EYA1: variants seen among roughly 807,000 people sequenced by gnomAD.
The protein encoded by EYA1 is protein phosphatase EYA1.
Under a neutral mutation model 82.0 loss-of-function variants are expected in EYA1, and 16 were observed. That is an observed-to-expected ratio of 0.20 (90% CI 0.13 to 0.30). The LOEUF (loss-of-function observed/expected upper bound fraction) is 0.30. Ranked by LOEUF, EYA1 falls within the 10% of genes least tolerant of loss-of-function variation. The pLI is 1.00. For synonymous variants in EYA1, 261 were observed against 264.4 expected (o/e 0.99, Z 0.12); for missense variants, 633 against 730.7 (o/e 0.87, Z 1.54).
intron 2 of EYA1, among the ~76,000 whole-genome samples, chr8:71,438,605 G>A (rs1806174332): frequency 6.6e-6 from 1 of 152,128 alleles, no homozygotes; most frequent in Non-Finnish European, 1.5e-5. Context: ...GATAGGTGAT[G>A]CCTTCATGAA....
At chr8:71,328,041 G>A (rs747076837) in intron 4 of EYA1, among the ~76,000 whole-genome samples, 2 of 151,870 alleles carry the variant, frequency 1.3e-5, no homozygotes, top group African/African-American at 2.4e-5. Context: ...ATTTTTAGTA[G>A]AGACAGGGTT....
At chr8:71,442,534 G>A (rs1039904915) in intron 2 of EYA1, among the ~76,000 whole-genome samples, 2 of 152,124 alleles carry the variant, frequency 1.3e-5, no homozygotes, top group African/African-American at 4.8e-5. Flanking sequence ...AATATAATGT[G>A]GGTCAATTAA....
rs544708856 is a variant in EYA1, at chr8:71,529,254, G to A, written c.33+6490C>T. Among the ~76,000 whole-genome samples the A allele has an allele frequency of 2.0e-4, 30 of 152,120 alleles. 1 individual carries two copies. The South Asian group carries it at 5.8e-3, about 29-fold the overall frequency. ...TATTTGCTGAGTACCCATCACATCC[G>A]AAAAGACTACCCCAACTCTAGGCCT... On this transcript the variant is annotated intron_variant, in intron 2 of 18. Transcript: ENST00000643681.
intron 3 of EYA1, among the ~76,000 whole-genome samples, chr8:71,353,169 C>T (rs1337342261): frequency 6.6e-6 from 1 of 152,186 alleles, no homozygotes; most frequent in Non-Finnish European, 1.5e-5. Flanking sequence ...GGGCCTTCTG[C>T]AGCTCCTGTC....
chr8:71,453,150 A>T (rs1807536996), intron 2 of EYA1, among the ~76,000 whole-genome samples: 1 of 152,242 alleles, frequency 6.6e-6, no homozygotes. Flanking sequence ...TGATTCCATC[A>T]ACTGGAAGAA....
chr8:71,221,393 GA>G (rs1222687132), intron 12 of EYA1, among the ~76,000 whole-genome samples: 6 of 152,120 alleles, frequency 3.9e-5, no homozygotes, highest in African/African-American at 1.4e-4. Flanking sequence ...GGAAGCCTTT[GA>G]AGACATGTTT....
At chr8:71,268,977 A>G (rs1816194139) in intron 11 of EYA1, among the ~76,000 whole-genome samples, 1 of 152,232 alleles carries the variant, frequency 6.6e-6, no homozygotes, top group Non-Finnish European at 1.5e-5. Context: ...TTATTTCTTT[A>G]CAGATGAAAA....
At chr8:71,406,761 T>A (rs1029481030) in intron 2 of EYA1, among the ~76,000 whole-genome samples, 5 of 150,186 alleles carry the variant, frequency 3.3e-5, no homozygotes, top group African/African-American at 1.2e-4. Context: ...CACAGCAGTC[T>A]GAGATCAAAC....
rs1023446989 is a variant in EYA1 at position 71,268,277 on chromosome 8, T to A, written c.1050+1463A>T. On this transcript the variant is annotated intron_variant, in intron 11 of 17. Transcript: ENST00000340726. ...TAAGTGCCTACTCTTTTCAACACTCTTGTGTGAGTTACAGGCACCAGTGGT... is the reference window on the plus strand; with the variant it reads ...TAAGTGCCTACTCTTTTCAACACTCATGTGTGAGTTACAGGCACCAGTGGT... Among the ~76,000 whole-genome samples, 4 of 152,314 alleles carry A rather than the reference T, an allele frequency of 2.6e-5. 1 individual carries two copies. Among genetic ancestry groups the A allele is most frequent in the African/African-American group, 9.6e-5 (4 of 41,574 alleles).
chr8:71,301,857 AG>A (rs989728027), intron 7 of EYA1, among the ~76,000 whole-genome samples: 13 of 152,162 alleles, frequency 8.5e-5, no homozygotes, highest in African/African-American at 3.1e-4. Context: ...TGGGGCTAAA[AG>A]GATGACTAAG....
In EYA1 at chr8:71,278,004, A is replaced by T. The variant is rs564098277; in HGVS notation, c.827-6107T>A. On this transcript the variant is annotated intron_variant, in intron 9 of 17. Coordinates refer to ENST00000340726, the MANE Select transcript of EYA1 (RefSeq NM_000503.6). ...TAAATTCTTCAATATTAAAAAGAAA[A>T]ACAAAGAACTGGAACTCGCAAGAGT... 2.0e-4 allele frequency among the ~76,000 whole-genome samples: 31 copies of T among 152,340 alleles called. No individual in the cohort carries two copies. In the South Asian group the frequency reaches 6.4e-3, roughly 32 times the overall value.
chr8:71,394,171 T>C (rs202141633), intron 2 of EYA1, among the ~76,000 whole-genome samples: 1 of 152,140 alleles, frequency 6.6e-6, no homozygotes, highest in Non-Finnish European at 1.5e-5. Flanking sequence ...GTTTAAGTTC[T>C]TTGTAGATTC....
At chr8:71,243,948 G>A (rs897893048) in intron 12 of EYA1, among the ~76,000 whole-genome samples, 4 of 152,208 alleles carry the variant, frequency 2.6e-5, no homozygotes, top group Admixed American at 6.5e-5. Context: ...AGAAGAGAAC[G>A]AAATGTAGTT....
chr8:71,230,814 C>T (rs1811107888), intron 12 of EYA1, among the ~76,000 whole-genome samples: 1 of 152,212 alleles, frequency 6.6e-6, no homozygotes, highest in Non-Finnish European at 1.5e-5. Context: ...CTGGAATTTT[C>T]AATACATATT....
intron 2 of EYA1, among the ~76,000 whole-genome samples, chr8:71,463,613 CTCTCT>C (rs1808548541): frequency 7.3e-6 from 1 of 136,252 alleles, no homozygotes; most frequent in African/African-American, 3.0e-5. Flanking sequence ...CTCTCTCTCT[CTCTCT>C]CTCTCTCTCT....
intron 2 of EYA1, among the ~76,000 whole-genome samples, chr8:71,405,767 C>T (rs905111916): frequency 6.6e-6 from 1 of 151,646 alleles, no homozygotes; most frequent in African/African-American, 2.4e-5. Flanking sequence ...TTCCATATAC[C>T]CCTTACAAAA....
At chr8:71,491,076 A>C (rs1291166585) in intron 2 of EYA1, among the ~76,000 whole-genome samples, 2 of 152,172 alleles carry the variant, frequency 1.3e-5, no homozygotes, top group African/African-American at 4.8e-5. Context: ...AGAGAAACCC[A>C]AGCAGTCTTC....
At chr8:71,497,828 G>C (rs898925266) in intron 2 of EYA1, among the ~76,000 whole-genome samples, 1 of 152,090 alleles carries the variant, frequency 6.6e-6, no homozygotes, top group Non-Finnish European at 1.5e-5. Flanking sequence ...TTCATCACTG[G>C]ATGAATGAAT....
rs190097336 is a variant in EYA1 at position 71,261,816 on chromosome 8, C to T, written c.1050+7924G>A. On this transcript the variant is annotated intron_variant, in intron 11 of 17. Coordinates refer to ENST00000340726, the MANE Select transcript of EYA1 (RefSeq NM_000503.6). The stretch of plus-strand genomic sequence containing the variant: ...GAAAGGCTAAACAGCTAAATCCAGT[C>T]GAAAGACCTATCAGGATTTCATTTG... 6.1e-4 allele frequency among the ~76,000 whole-genome samples: 93 copies of T among 152,302 alleles called. 4 individuals are homozygous for T. In the East Asian group the frequency reaches 0.013, roughly 21 times the overall value.
Sources: allele counts gnomAD v4.1 joint callset (sites outside exome capture counted in the v4.1 genomes callset), GRCh38; gene constraint gnomAD v4.1.1; transcripts MANE v1.5; gene names NCBI Gene and HGNC (gene_info 2026-07-23, HGNC 2026-07-21).